VPS13D: variants seen among roughly 807,000 people sequenced by gnomAD.
VPS13D encodes vacuolar protein sorting 13 homolog D, also known as intermembrane lipid transfer protein VPS13D.
A neutral mutation model predicts 461.9 loss-of-function variants in VPS13D; 187 were observed. The observed-to-expected ratio is 0.40, with a 90% confidence interval of 0.36 to 0.46. The LOEUF (loss-of-function observed/expected upper bound fraction) is 0.46. VPS13D is among the 20% of genes least tolerant of loss of function. The pLI is 0.60. For synonymous variants in VPS13D, 1,951 were observed against 1,986.3 expected (o/e 0.98, Z 0.47); for missense variants, 4,711 against 5,364.9 (o/e 0.88, Z 3.81).
At chr1:12,439,957 A>G (rs1223402720) in intron 65 of VPS13D, among the ~76,000 whole-genome samples, 1 of 152,194 alleles carries the variant, frequency 6.6e-6, no homozygotes, top group Non-Finnish European at 1.5e-5. Context: ...CCTCACCCTC[A>G]TTTATGTCTG....
At position 12,342,984 on chromosome 1, in the gene VPS13D, T is replaced by C; in HGVS notation, c.8818T>C (p.Trp2940Arg). 1.2e-6 allele frequency: 2 copies of C among 1,613,988 alleles called. No individual in the cohort carries two copies. The highest frequency in any genetic ancestry group is 8.5e-7 in the Non-Finnish European group (1 of 1,179,902). ...FLDDTHNVSEWREVLTGEEIP... is the reference protein window; with the variant it reads ...FLDDTHNVSERREVLTGEEIP... ...CGATGATACTCACAATGTTAGTGAA[T>C]GGCGAGAAGTCCTTACAGGTGAAGA... The change falls in exon 42 of 70, where the codon TGG becomes CGG. Residue 2940 changes from tryptophan to arginine, a missense_variant. Around this residue, in one of 3 missense-constraint regions of VPS13D, gnomAD observed 4,411 missense variants for 4,937.8 expected, o/e 0.89. Transcript: ENST00000620676.
intron 1 of VPS13D, among the ~76,000 whole-genome samples, chr1:12,230,928 G>T (rs1011567395): frequency 6.6e-6 from 1 of 152,166 alleles, no homozygotes; most frequent in Non-Finnish European, 1.5e-5. Context: ...GGTTGTGGGA[G>T]CGTCGCCTTC....
At chr1:12,380,097 A>G (rs1457007306) in intron 57 of VPS13D, among the ~76,000 whole-genome samples, 2 of 152,176 alleles carry the variant, frequency 1.3e-5, no homozygotes, top group African/African-American at 4.8e-5. Context: ...ACATGGGAAA[A>G]GTTCTTGGAG....
rs1642750051 is a variant in VPS13D at position 12,311,574 on chromosome 1, A to G, written c.6771A>G (p.Glu2257=). The G allele has an allele frequency of 6.2e-7, 1 of 1,614,214 alleles. No individual in the cohort carries two copies. The stretch of plus-strand genomic sequence containing the variant: ...GCTTATTAGAGAACAACCTGGGAGA[A>G]CCCATAGAGGAATTTATGCGGCCTT... ...IRGLLENNLG[E]PIEEFMRPYD... Residue 2257 remains glutamate (E), a synonymous_variant, in exon 28 of 70, where the codon GAA becomes GAG. Coordinates refer to ENST00000620676, the MANE Select transcript of VPS13D (RefSeq NM_015378.4).
At chr1:12,449,322 T>A (rs2100373006) in intron 65 of VPS13D, among the ~76,000 whole-genome samples, 1 of 152,084 alleles carries the variant, frequency 6.6e-6, no homozygotes, top group Non-Finnish European at 1.5e-5. Context: ...ACAAAAGCAC[T>A]CCTCTTCTAG....
intron 36 of VPS13D, among the ~76,000 whole-genome samples, chr1:12,328,306 T>G (rs1193575003): frequency 6.6e-6 from 1 of 151,948 alleles, no homozygotes; most frequent in African/African-American, 2.4e-5. Context: ...AAACACTGTT[T>G]ATATGTGAGC....
At chr1:12,247,656 T>C (rs939588802) in intron 5 of VPS13D, among the ~76,000 whole-genome samples, 4 of 151,648 alleles carry the variant, frequency 2.6e-5, no homozygotes, top group African/African-American at 9.7e-5. Flanking sequence ...ACTGGCCACT[T>C]GTGTATCTTT....
At chr1:12,411,637 A>G (rs1644731683) in intron 63 of VPS13D, among the ~76,000 whole-genome samples, 2 of 152,234 alleles carry the variant, frequency 1.3e-5, no homozygotes, top group African/African-American at 4.8e-5. Context: ...AGTGGTTTAA[A>G]ACAACCACCA....
chr1:12,388,896 A>G (rs1644385791), intron 60 of VPS13D, among the ~76,000 whole-genome samples: 1 of 152,248 alleles, frequency 6.6e-6, no homozygotes. Context: ...GGAAATGAGA[A>G]TGACTAGATT....
At chr1:12,488,423 G>A (rs1046067820) in intron 67 of VPS13D, among the ~76,000 whole-genome samples, 1 of 152,094 alleles carries the variant, frequency 6.6e-6, no homozygotes, top group African/African-American at 2.4e-5. Context: ...AAGTGACTGG[G>A]ATTTCAGCCT....
At chr1:12,295,761 C>T (rs2101442942) in intron 24 of VPS13D, among the ~76,000 whole-genome samples, 1 of 152,300 alleles carries the variant, frequency 6.6e-6, no homozygotes, top group East Asian at 1.9e-4. Flanking sequence ...CCACCTCTAA[C>T]TAAAAATTAA....
intron 66 of VPS13D, among the ~76,000 whole-genome samples, chr1:12,458,317 C>A (rs988984045): frequency 2.0e-5 from 3 of 152,248 alleles, no homozygotes; most frequent in Non-Finnish European, 2.9e-5. Flanking sequence ...TCTCTGCAGG[C>A]CTTGCTGGAC....
intron 35 of VPS13D, among the ~76,000 whole-genome samples, chr1:12,327,118 A>C (rs566736039): frequency 6.6e-6 from 1 of 152,204 alleles, no homozygotes; most frequent in African/African-American, 2.4e-5. Flanking sequence ...AGTCCTTTTA[A>C]GTGGGTGCTG....
At position 12,390,218 on chromosome 1, in the gene VPS13D, A is replaced by G. The variant is rs1570073252; in HGVS notation, c.11634+3884A>G. Among the ~76,000 whole-genome samples, 7 of 152,302 alleles carry G rather than the reference A, an allele frequency of 4.6e-5. No individual in the cohort carries two copies. In the South Asian group the frequency reaches 1.5e-3, roughly 32 times the overall value. ...AATGGTGCCACTTCCTCTTCCACCC[A>G]TTGATTCCTGGACCTCTGAATCCTG... On this transcript the variant is annotated intron_variant, in intron 60 of 69. Coordinates refer to ENST00000620676, the MANE Select transcript of VPS13D (RefSeq NM_015378.4).
At position 12,376,950 on chromosome 1, in the gene VPS13D, C is replaced by T. The variant is rs145441419; in HGVS notation, c.10918-1478C>T. Among the ~76,000 whole-genome samples the T allele has an allele frequency of 5.3e-3, 803 of 152,264 alleles. 5 individuals carry two copies. The highest frequency in any genetic ancestry group is 0.014 in the Middle Eastern group (4 of 292). On this transcript the variant is annotated intron_variant, in intron 55 of 69. Transcript: ENST00000620676. ...GGACCTACCATCTAACTAGTTATTT[C>T]ACTGTGGGGAAGTTACTTCATCTCA...
rs201067730 is a variant in VPS13D, at chr1:12,413,172, TG to T, written c.12031-1914del. 5.5e-3 allele frequency among the ~76,000 whole-genome samples: 832 copies of T among 152,060 alleles called. 7 individuals carry two copies. The highest frequency in any genetic ancestry group is 0.018 in the African/African-American group (756 of 41,498). On this transcript the variant is annotated intron_variant, in intron 63 of 69. Coordinates refer to ENST00000620676, the MANE Select transcript of VPS13D (RefSeq NM_015378.4). ...TGTTCAGATTTTCTGGGTGTTTTTTTGTTTGTTTGTTTGTTTTTGTTTTTGG... is the reference window on the plus strand; with the variant it reads ...TGTTCAGATTTTCTGGGTGTTTTTTTTTTGTTTGTTTGTTTTTGTTTTTGG...
chr1:12,338,153 G>C lies in VPS13D; in HGVS notation c.8552-78G>C, dbSNP rs1026966063. On this transcript the variant is annotated intron_variant, in intron 39 of 69. Transcript: ENST00000620676. ...TATTTTTGTAATGTTCTCTATTTGT[G>C]CTTATCGTTTGGAAGCAAGTCTTCT... The C allele has an allele frequency of 4.7e-6, 6 of 1,278,412 alleles. No individual in the cohort carries two copies. In the African/African-American group the frequency reaches 8.8e-5, roughly 19 times the overall value. 79.2% of individuals were successfully genotyped at this position (1,278,412 alleles called of 1,614,324 possible).
intron 63 of VPS13D, among the ~76,000 whole-genome samples, chr1:12,412,385 G>T (rs1644740575): frequency 6.6e-6 from 1 of 152,182 alleles, no homozygotes; most frequent in East Asian, 1.9e-4. Context: ...GTTGGGGAGA[G>T]CTTACACTAT....
At chr1:12,269,381 G>T (rs1032528732) in intron 16 of VPS13D, among the ~76,000 whole-genome samples, 1 of 152,180 alleles carries the variant, frequency 6.6e-6, no homozygotes, top group East Asian at 1.9e-4. Flanking sequence ...GTAGTTTCAT[G>T]ATATTGATTT....
Sources: gnomAD v4.1 joint callset for allele counts (sites outside exome capture counted in the v4.1 genomes callset) on GRCh38, gnomAD v4.1.1 for gene constraint, gnomAD v4.1.1 regional missense constraint, MANE v1.5 for transcripts, NCBI Gene and HGNC (gene_info 2026-07-23, HGNC 2026-07-21) for gene names.